Variants in ACAP2 observed in about 807,000 individuals in gnomAD.
ACAP2 encodes arf-GAP with coiled-coil, ANK repeat and PH domain-containing protein 2.
ACAP2 carries 39 observed loss-of-function variants against 115.8 expected under a neutral mutation model. The observed-to-expected ratio is 0.34, with a 90% CI of 0.26 to 0.44. ACAP2 has a LOEUF of 0.44. Ranked by LOEUF, ACAP2 falls within the 20% of genes least tolerant of loss-of-function variation. The pLI is 1.00. For synonymous variants in ACAP2, 289 were observed against 315.8 expected, an observed-to-expected ratio of 0.92 and a Z score of 0.90; for missense variants, 662 against 927.6, an observed-to-expected ratio of 0.71 and a Z score of 3.72.
chr3:195,322,525 C>G (rs769671006), intron 9 of ACAP2, among the ~76,000 whole-genome samples: 5 of 152,068 alleles, frequency 3.3e-5, no homozygotes, highest in Non-Finnish European at 7.4e-5. Flanking sequence ...ACGAAAAGAC[C>G]TGATAATCCA....
intron 1 of ACAP2, 143 bp from the exon 2 acceptor site, chr3:195,392,290 T>A (rs1734731970): frequency 4.6e-6 from 3 of 649,456 alleles, no homozygotes; most frequent in Non-Finnish European, 8.0e-6. Flanking sequence ...TGGAATTTAG[T>A]ATCAATACTT....
chr3:195,308,009 G>A (rs1215444889), intron 11 of ACAP2, among the ~76,000 whole-genome samples: 2 of 152,048 alleles, frequency 1.3e-5, no homozygotes, highest in African/African-American at 4.8e-5. Context: ...ATTAACTAAT[G>A]ATTTATTCTT....
At position 195,274,966 on chromosome 3, in the gene ACAP2, T is replaced by C. The variant is rs1283048352; in HGVS notation, c.*4362A>G. 6.5e-6 allele frequency: 1 copy of C among 152,696 alleles called. No homozygotes were observed. The highest frequency in any genetic ancestry group is 6.5e-5 in the Admixed American group (1 of 15,290). The allele number at this position is 152,696 out of a possible 1,614,324, so 9.5% of individuals were successfully genotyped here. A position where few individuals can be genotyped will look rare whatever the true frequency, so the allele number is the denominator to read the frequency against. On this transcript the variant is annotated 3_prime_UTR_variant, in exon 23 of 23. Transcript: ENST00000326793. ...TGTTGGTTATACATTCTTTAAAATA[T>C]ACCTTTTCACAGGTAGCAAGAAATA...
Position 195,276,931 on chromosome 3 carries a change from T to G in ACAP2, c.*2397A>C, listed in dbSNP as rs1235857534. On this transcript the variant is annotated 3_prime_UTR_variant, in exon 23 of 23. Coordinates refer to ENST00000326793, the MANE Select transcript of ACAP2 (RefSeq NM_012287.6). ...TCCCTGCAATATTAAAGATTTTGCT[T>G]TCTCTGAAGATATTCTGAACCATGA... The G allele has an allele frequency of 6.6e-6, 1 of 152,242 alleles. No homozygotes were observed. Among genetic ancestry groups the G allele is most frequent in the Non-Finnish European group, 1.5e-5 (1 of 68,042 alleles). 9.4% of individuals were successfully genotyped at this position (152,242 alleles called of 1,614,324 possible).
At chr3:195,320,895 A>G (rs1339387355) in intron 9 of ACAP2, 82 bp from the exon 10 acceptor site, 2 of 817,228 alleles carry the variant, frequency 2.4e-6, no homozygotes, top group Non-Finnish European at 4.0e-6. Flanking sequence ...AAAAGAGTTC[A>G]AAAGGAAGAA....
Position 195,305,228 on chromosome 3 carries a change from A to G in ACAP2, c.1116+1283T>C, listed in dbSNP as rs553041908. Among the ~76,000 whole-genome samples, 25 of 152,354 alleles carry G rather than the reference A, an allele frequency of 1.6e-4. 1 individual carries two copies. The highest frequency in any genetic ancestry group is 3.4e-3 in the Middle Eastern group (1 of 294). On this transcript the variant is annotated intron_variant, in intron 13 of 22. Coordinates refer to ENST00000326793, the MANE Select transcript of ACAP2 (RefSeq NM_012287.6). Reference sequence around the variant, plus strand: ...GATTAACTGAGAAGATTTCCCAGAAAGTAGAGCAAAACAACACACACGGAC... The same window carrying G: ...GATTAACTGAGAAGATTTCCCAGAAGGTAGAGCAAAACAACACACACGGAC...
chr3:195,428,948 A>C (rs1380784404), intron 1 of ACAP2, among the ~76,000 whole-genome samples: 1 of 152,198 alleles, frequency 6.6e-6, no homozygotes, highest in African/African-American at 2.4e-5. Context: ...AGAGAAATGA[A>C]AACCTACCGT....
chr3:195,381,572 T>TA (rs1191472834), intron 3 of ACAP2, among the ~76,000 whole-genome samples: 1 of 152,150 alleles, frequency 6.6e-6, no homozygotes, highest in Non-Finnish European at 1.5e-5. Flanking sequence ...CGTGCCCCTA[T>TA]AAGCAGCTAC....
At chr3:195,342,994 CAA>C (rs11444212) in intron 5 of ACAP2, among the ~76,000 whole-genome samples, 4 of 129,140 alleles carry the variant, frequency 3.1e-5, no homozygotes, top group Non-Finnish European at 5.1e-5. Flanking sequence ...GACTCCGACT[CAA>C]AAAAAAAAAA....
In ACAP2 at chr3:195,428,454, A is replaced by G. The variant is rs143438152; in HGVS notation, c.53+14341T>C. ...ACAACAGCGGTCCCATGGGATTATA[A>G]TATCATATTTTTACTGTACCTTTTC... On this transcript the variant is annotated intron_variant, in intron 1 of 22. Transcript: ENST00000326793. Among the ~76,000 whole-genome samples the G allele has an allele frequency of 1.4e-3, 206 of 151,928 alleles. 3 individuals carry two copies. The highest frequency in any genetic ancestry group is 8.5e-4 in the Non-Finnish European group (58 of 67,962).
At chr3:195,368,924 A>C (rs144388531) in intron 4 of ACAP2, among the ~76,000 whole-genome samples, 1,822 of 152,242 alleles carry the variant, frequency 0.012, 31 homozygotes, top group African/African-American at 0.04. Flanking sequence ...TCTCTACTAA[A>C]AATACAAAAA....
intron 2 of ACAP2, among the ~76,000 whole-genome samples, chr3:195,383,853 G>C (rs1244746986): frequency 6.6e-6 from 1 of 151,956 alleles, no homozygotes; most frequent in Non-Finnish European, 1.5e-5. Flanking sequence ...CCCCAAAAAA[G>C]AGATACATGT....
chr3:195,306,852 T>TAAA (rs36125128), intron 12 of ACAP2: 160 of 205,906 alleles, frequency 7.8e-4, no homozygotes, highest in Middle Eastern at 1.7e-3. Flanking sequence ...ACTGAATATT[T>TAAA]AAAAAAAAAA....
chr3:195,274,770 A>G lies in ACAP2; in HGVS notation c.*4558T>C, dbSNP rs1726137139. The G allele has an allele frequency of 2.6e-5, 4 of 152,734 alleles. No individual in the cohort carries two copies. The Middle Eastern group carries it at 0.014, about 520-fold the overall frequency. 9.5% of individuals were successfully genotyped at this position (152,734 alleles called of 1,614,324 possible). On this transcript the variant is annotated 3_prime_UTR_variant, in exon 23 of 23. Coordinates refer to ENST00000326793, the MANE Select transcript of ACAP2 (RefSeq NM_012287.6). The stretch of plus-strand genomic sequence containing the variant: ...TAAGCCAGAGGTGAGATCTTTATTG[A>G]CTTATTGTAATTTTTTGGCATACAA...
chr3:195,389,716 T>C (rs1220818273), intron 2 of ACAP2, among the ~76,000 whole-genome samples: 1 of 152,194 alleles, frequency 6.6e-6, no homozygotes, highest in East Asian at 1.9e-4. Flanking sequence ...AAGCCAGACA[T>C]GTAATTTTTA....
At chr3:195,441,734 T>G (rs1369814986) in intron 1 of ACAP2, 1 of 152,202 alleles carries the variant, frequency 6.6e-6, no homozygotes, top group Non-Finnish European at 1.5e-5. Context: ...AGGCCTTATA[T>G]TTGTAAGGAC....
At chr3:195,340,966 A>G (rs74288795) in intron 6 of ACAP2, among the ~76,000 whole-genome samples, 3,262 of 152,308 alleles carry the variant, frequency 0.021, 113 homozygotes, top group East Asian at 0.1. Context: ...TTGTTTTGCC[A>G]AGTTACCTAA....
intron 1 of ACAP2, among the ~76,000 whole-genome samples, chr3:195,431,149 G>C (rs1411507394): frequency 2.6e-5 from 4 of 152,106 alleles, no homozygotes; most frequent in Admixed American, 6.6e-5. Context: ...TATGGCTTTT[G>C]TGTTTGGCTT....
At chr3:195,355,283 T>TC (rs1476796695) in intron 4 of ACAP2, among the ~76,000 whole-genome samples, 17 of 19,018 alleles carry the variant, frequency 8.9e-4, no homozygotes, top group African/African-American at 2.1e-3. Flanking sequence ...TTTTTCTTCT[T>TC]TTTTTTTTTT....
Sources: gnomAD v4.1 joint callset for allele counts (sites outside exome capture counted in the v4.1 genomes callset) on GRCh38, gnomAD v4.1.1 for gene constraint, MANE v1.5 for transcripts, NCBI Gene and HGNC (gene_info 2026-07-23, HGNC 2026-07-21) for gene names.